SDK1: variants seen among roughly 807,000 people sequenced by gnomAD.
SDK1 encodes the protein protein sidekick-1.
Under a neutral mutation model 245.5 loss-of-function variants are expected in SDK1, and 157 were observed. The observed-to-expected ratio is 0.64, with a 90% CI of 0.56 to 0.73. SDK1 has a LOEUF of 0.73. Ranked by LOEUF, SDK1 falls within the 30% of genes least tolerant of loss-of-function variation. The probability of loss-of-function intolerance (pLI) is 0.00; values close to 1 mark genes in which losing one functional copy is unlikely to be tolerated. For synonymous variants in SDK1, 1,647 were observed against 1,278.5 expected, an observed-to-expected ratio of 1.29 and a Z score of -6.15; for missense variants, 3,583 against 3,002.3, an observed-to-expected ratio of 1.19 and a Z score of -4.52.
At chr7:3,390,185 G>A (rs1781712391) in intron 1 of SDK1, among the ~76,000 whole-genome samples, 1 of 152,136 alleles carries the variant, frequency 6.6e-6, no homozygotes, top group South Asian at 2.1e-4. Flanking sequence ...TCTAACTGTG[G>A]TCTGCAGCTT....
chr7:3,903,949 G>A (rs895425792), intron 5 of SDK1, among the ~76,000 whole-genome samples: 12 of 152,140 alleles, frequency 7.9e-5, no homozygotes, highest in Admixed American at 6.5e-4. Flanking sequence ...TGTAATCTTC[G>A]CACACGAGAC....
At chr7:3,847,718 G>T (rs1356199810) in intron 5 of SDK1, among the ~76,000 whole-genome samples, 1 of 152,208 alleles carries the variant, frequency 6.6e-6, no homozygotes, top group Non-Finnish European at 1.5e-5. Context: ...AATTCATTTT[G>T]TACCTGCAAA....
At chr7:3,321,786 T>C (rs188694204) in intron 1 of SDK1, among the ~76,000 whole-genome samples, 1,342 of 71,944 alleles carry the variant, frequency 0.019, 74 homozygotes, top group African/African-American at 0.088. Context: ...TTCTCCTTCC[T>C]TCCTTCCTTC....
intron 4 of SDK1, 107 bp from the exon 5 acceptor site, chr7:3,821,343 C>T (rs1779641357): frequency 7.6e-7 from 1 of 1,309,084 alleles, no homozygotes; most frequent in East Asian, 2.4e-5. Context: ...TCCAGCTCTT[C>T]TTTTAAACTC....
intron 1 of SDK1, among the ~76,000 whole-genome samples, chr7:3,529,637 A>G (rs935553201): frequency 2.0e-5 from 3 of 152,108 alleles, no homozygotes; most frequent in Non-Finnish European, 4.4e-5. Context: ...TTTGGCAACC[A>G]CTGTGGTGGT....
chr7:3,968,264 G>C (rs80336141), intron 10 of SDK1, among the ~76,000 whole-genome samples: 8,518 of 152,300 alleles, frequency 0.056, 361 homozygotes, highest in Non-Finnish European at 0.076. Context: ...TGGGAAGGCT[G>C]CCTTTGCAGT....
intron 1 of SDK1, among the ~76,000 whole-genome samples, chr7:3,618,279 G>A (rs139300244): frequency 1.4e-3 from 214 of 152,218 alleles, no homozygotes; most frequent in African/African-American, 5.1e-3. Flanking sequence ...CTTTTCATAA[G>A]CCATCCCATT....
intron 1 of SDK1, among the ~76,000 whole-genome samples, chr7:3,562,840 T>A (rs983717264): frequency 3.1e-5 from 3 of 95,798 alleles, no homozygotes; most frequent in Non-Finnish European, 6.4e-5. Context: ...AGTTTCTATA[T>A]AAAGAGCCAC....
intron 1 of SDK1, among the ~76,000 whole-genome samples, chr7:3,358,199 T>C (rs4722721): frequency 2.6e-5 from 4 of 152,222 alleles, no homozygotes; most frequent in Admixed American, 6.5e-5. Flanking sequence ...TTTTTGTATT[T>C]TTAGTAGAGG....
intron 40 of SDK1, among the ~76,000 whole-genome samples, chr7:4,223,223 A>G (rs1249506073): frequency 1.3e-5 from 2 of 152,240 alleles, no homozygotes; most frequent in Admixed American, 1.3e-4. Flanking sequence ...AATAGAATTC[A>G]GGAGATCCGT....
intron 1 of SDK1, among the ~76,000 whole-genome samples, chr7:3,322,509 G>T (rs931490958): frequency 2.0e-5 from 3 of 151,986 alleles, no homozygotes; most frequent in African/African-American, 7.3e-5. Context: ...TGCATTACTG[G>T]GTCATATGGC....
chr7:4,147,974 C>T (rs960843374), intron 29 of SDK1, among the ~76,000 whole-genome samples: 2 of 152,054 alleles, frequency 1.3e-5, no homozygotes, highest in African/African-American at 4.8e-5. Flanking sequence ...CAGCCCCGCC[C>T]CACAGTCCCG....
At chr7:3,751,513 C>T (rs1798418556) in intron 4 of SDK1, among the ~76,000 whole-genome samples, 1 of 152,138 alleles carries the variant, frequency 6.6e-6, no homozygotes, top group African/African-American at 2.4e-5. Flanking sequence ...GGAGAGTGGT[C>T]CAGTGCCTCC....
chr7:3,887,524 C>A (rs905854444), intron 5 of SDK1, among the ~76,000 whole-genome samples: 6 of 152,152 alleles, frequency 3.9e-5, no homozygotes, highest in African/African-American at 1.2e-4. Flanking sequence ...AAGAATTTTG[C>A]CTTGGGCTGT....
chr7:3,692,727 ATATT>A (rs920630660), intron 4 of SDK1, among the ~76,000 whole-genome samples: 13 of 152,242 alleles, frequency 8.5e-5, no homozygotes, highest in Admixed American at 3.3e-4. Flanking sequence ...ACATTATAGA[ATATT>A]TATACTCTTT....
chr7:3,809,483 C>T (rs988847433), intron 4 of SDK1, among the ~76,000 whole-genome samples: 1 of 152,222 alleles, frequency 6.6e-6, no homozygotes, highest in Non-Finnish European at 1.5e-5. Context: ...GCTCCCGTCT[C>T]TGCTGGGCAC....
chr7:3,854,475 C>G (rs373335472), intron 5 of SDK1, among the ~76,000 whole-genome samples: 1 of 152,152 alleles, frequency 6.6e-6, no homozygotes, highest in Non-Finnish European at 1.5e-5. Context: ...ATACTAATTA[C>G]TGGTGTTTGT....
At chr7:3,688,703 T>C (rs1275318295) in intron 4 of SDK1, among the ~76,000 whole-genome samples, 1 of 152,192 alleles carries the variant, frequency 6.6e-6, no homozygotes, top group Non-Finnish European at 1.5e-5. Context: ...TATCTTCCAG[T>C]GTTTATCTTC....
intron 19 of SDK1, among the ~76,000 whole-genome samples, chr7:4,063,559 T>A (rs1425083658): frequency 6.7e-6 from 1 of 148,666 alleles, no homozygotes; most frequent in Non-Finnish European, 1.5e-5. Flanking sequence ...CTCAATGCAA[T>A]CTCTATCAAA....
Sources: allele counts gnomAD v4.1 joint callset (sites outside exome capture counted in the v4.1 genomes callset), GRCh38; gene constraint gnomAD v4.1.1; transcripts MANE v1.5; gene names NCBI Gene and HGNC (gene_info 2026-07-23, HGNC 2026-07-21).